Variants in SAXO1 observed in about 807,000 individuals in gnomAD.
The protein encoded by SAXO1 is 4930500O09Rik.
SAXO1 carries 21 observed loss-of-function variants against 17.5 expected under a neutral mutation model. The observed-to-expected ratio is 1.20, with a 90% CI of 0.85 to 1.72. SAXO1 has a LOEUF of 1.72. Among genes scored for constraint, SAXO1 ranks in the 40% most tolerant of loss-of-function variants. SAXO1 has a pLI of 0.00. For missense variants in SAXO1, 843 were observed against 596.0 expected, an observed-to-expected ratio of 1.41 and a Z score of -4.32; for synonymous variants, 274 against 216.5, an observed-to-expected ratio of 1.27 and a Z score of -2.33.
At chr9:19,039,532 T>A (rs1836024558) in intron 1 of SAXO1, among the ~76,000 whole-genome samples, 1 of 152,230 alleles carries the variant, frequency 6.6e-6, no homozygotes. Flanking sequence ...TCAGGTTACC[T>A]TGAGAAAGGC....
intron 1 of SAXO1, among the ~76,000 whole-genome samples, chr9:18,955,545 C>G (rs2039007): frequency 0.07 from 10,624 of 152,272 alleles, 559 homozygotes; most frequent in African/African-American, 0.15. Flanking sequence ...GATAAAAACA[C>G]TAAAAAATAC....
At chr9:19,020,369 G>A (rs1835170254) in intron 1 of SAXO1, among the ~76,000 whole-genome samples, 1 of 150,298 alleles carries the variant, frequency 6.7e-6, no homozygotes, top group Non-Finnish European at 1.5e-5. Flanking sequence ...TGTGAGACAG[G>A]GTCTTGCCTT....
intron 1 of SAXO1, among the ~76,000 whole-genome samples, chr9:18,996,495 C>T (rs1427367864): frequency 2.6e-5 from 4 of 152,184 alleles, no homozygotes; most frequent in South Asian, 2.1e-4. Flanking sequence ...TCTAAGCATA[C>T]AAAACGTGCA....
chr9:19,032,266 G>T, intron 1 of SAXO1, among the ~76,000 whole-genome samples: 1 of 152,166 alleles, frequency 6.6e-6, no homozygotes, highest in East Asian at 1.9e-4. Flanking sequence ...GTCAGCCCGT[G>T]GGACTCTGAC....
At chr9:18,969,126 A>G (rs1832850459) in intron 1 of SAXO1, among the ~76,000 whole-genome samples, 1 of 152,128 alleles carries the variant, frequency 6.6e-6, no homozygotes, top group South Asian at 2.1e-4. Context: ...TACATGAAAC[A>G]AGCGCGTATC....
At chr9:19,045,313 T>C (rs1230730424) in intron 1 of SAXO1, among the ~76,000 whole-genome samples, 1 of 53,696 alleles carries the variant, frequency 1.9e-5, no homozygotes, top group East Asian at 5.1e-4. Context: ...CGAGACTCCG[T>C]CTCAAAAAAA....
At chr9:19,008,460 A>G (rs770362609) in intron 1 of SAXO1, among the ~76,000 whole-genome samples, 1 of 152,190 alleles carries the variant, frequency 6.6e-6, no homozygotes, top group Non-Finnish European at 1.5e-5. Flanking sequence ...TTCACAAATC[A>G]AAATGGCAAT....
chr9:18,993,544 G>T (rs111708513), intron 1 of SAXO1, among the ~76,000 whole-genome samples: 1 of 152,164 alleles, frequency 6.6e-6, no homozygotes, highest in African/African-American at 2.4e-5. Context: ...AGTGAAAGAC[G>T]TCGCATCAAA....
intron 1 of SAXO1, among the ~76,000 whole-genome samples, chr9:19,010,478 GA>G (rs567438499): frequency 7.3e-4 from 104 of 142,814 alleles, no homozygotes; most frequent in Middle Eastern, 3.5e-3. Flanking sequence ...ATATTTCTAG[GA>G]AAAAAAAAAA....
chr9:18,967,171 G>A (rs1832753211), intron 1 of SAXO1, among the ~76,000 whole-genome samples: 1 of 152,186 alleles, frequency 6.6e-6, no homozygotes, highest in African/African-American at 2.4e-5. Flanking sequence ...TCCTGTATGA[G>A]GTGTCTGTCT....
chr9:18,929,673 T>C (rs1830951698), intron 3 of SAXO1, among the ~76,000 whole-genome samples: 2 of 152,248 alleles, frequency 1.3e-5, no homozygotes, highest in African/African-American at 2.4e-5. Context: ...ACAGGCAGTA[T>C]TCTAAGTGCT....
intron 1 of SAXO1, among the ~76,000 whole-genome samples, chr9:19,017,024 T>C (rs947828258): frequency 1.4e-4 from 22 of 151,820 alleles, no homozygotes; most frequent in African/African-American, 5.3e-4. Context: ...TGCAGACCAA[T>C]TGGGCCTGGC....
chr9:19,020,381 T>C (rs781456239), intron 1 of SAXO1, among the ~76,000 whole-genome samples: 7 of 151,932 alleles, frequency 4.6e-5, no homozygotes, highest in Non-Finnish European at 8.8e-5. Context: ...TCTTGCCTTG[T>C]TTCCTGGGCT....
At chr9:18,931,599 A>T (rs1831053742) in intron 3 of SAXO1, among the ~76,000 whole-genome samples, 5 of 152,252 alleles carry the variant, frequency 3.3e-5, no homozygotes. Context: ...AAATGTTCTC[A>T]AAGTGGAGAA....
intron 1 of SAXO1, among the ~76,000 whole-genome samples, chr9:18,996,485 T>A (rs143120734): frequency 6.6e-6 from 1 of 152,244 alleles, no homozygotes; most frequent in Admixed American, 6.5e-5. Context: ...CAATTATGTA[T>A]CTAAGCATAC....
intron 1 of SAXO1, among the ~76,000 whole-genome samples, chr9:18,993,685 A>G (rs1833899640): frequency 6.6e-6 from 1 of 152,216 alleles, no homozygotes; most frequent in African/African-American, 2.4e-5. Context: ...AAGGGGGTAT[A>G]AGGTAAGAAT....
intron 1 of SAXO1, among the ~76,000 whole-genome samples, chr9:18,957,548 G>C (rs548471085): frequency 6.6e-6 from 1 of 152,180 alleles, no homozygotes; most frequent in Non-Finnish European, 1.5e-5. Context: ...GTAGTTGAGA[G>C]CTTGTGACCT....
chr9:18,931,671 T>C (rs10757001), intron 3 of SAXO1, among the ~76,000 whole-genome samples: 131,643 of 152,248 alleles, frequency 0.86, 57,073 homozygotes, highest in African/African-American at 0.92. Context: ...TCCACATCCT[T>C]GTCAATATTT....
intron 1 of SAXO1, among the ~76,000 whole-genome samples, chr9:18,957,250 T>C (rs1029888422): frequency 1.3e-5 from 2 of 152,234 alleles, no homozygotes; most frequent in Non-Finnish European, 2.9e-5. Context: ...CACAGAACTT[T>C]CTTTGCTGCT....
Sources: gnomAD v4.1 joint callset for allele counts (sites outside exome capture counted in the v4.1 genomes callset) on GRCh38, gnomAD v4.1.1 for gene constraint, MANE v1.5 for transcripts, NCBI Gene and HGNC (gene_info 2026-07-23, HGNC 2026-07-21) for gene names.